KLRB1: variants seen among roughly 807,000 people sequenced by gnomAD.
KLRB1 encodes killer cell lectin like receptor B1.
KLRB1 carries 27 observed loss-of-function variants against 33.5 expected under a neutral mutation model. The ratio of observed to expected loss-of-function variants is 0.81; its 90% confidence interval spans 0.59 to 1.11. The LOEUF is 1.11. Among genes scored for constraint, KLRB1 ranks in the 50% most tolerant of loss-of-function variants. The pLI, the probability that KLRB1 is intolerant of heterozygous loss-of-function variation, is 0.00. For missense variants in KLRB1, 241 were observed against 254.1 expected, an observed-to-expected ratio of 0.95 and a Z score of 0.35; for synonymous variants, 64 against 88.9, an observed-to-expected ratio of 0.72 and a Z score of 1.58.
chr12:9,606,707 AAAATATATAAAATATATGTATAAAAAG>A (rs1452293417), intron 1 of KLRB1, among the ~76,000 whole-genome samples: 1,771 of 62,888 alleles, frequency 0.028, 40 homozygotes, highest in African/African-American at 0.042. Context: ...ATATATATAT[AAAATATATAAAATATATGTATAAAAAG>A]TATATATATA....
chr12:9,595,517 G>T, intron 5 of KLRB1, 96 bp from the exon 6 acceptor site: 1 of 1,146,914 alleles, frequency 8.7e-7, no homozygotes, highest in Non-Finnish European at 1.3e-6. Flanking sequence ...GGAAGCAGTA[G>T]AATGATAAAC....
At chr12:9,607,405 T>TTTCTTTC (rs1565444748) in intron 1 of KLRB1, among the ~76,000 whole-genome samples, 50 of 47,936 alleles carry the variant, frequency 1.0e-3, no homozygotes, top group Admixed American at 2.0e-3. Context: ...TCTTTCTTTC[T>TTTCTTTC]TTTCTTTCTT....
intron 3 of KLRB1, 115 bp downstream of exon 3, chr12:9,599,652 G>A: frequency 1.3e-6 from 1 of 769,060 alleles, no homozygotes; most frequent in East Asian, 2.5e-5. Context: ...ATCCAGAAAA[G>A]CAGAATGATA....
rs748322151 is a variant in KLRB1, at chr12:9,598,370, G to A, written c.414+129C>T. On this transcript the variant is annotated intron_variant, in intron 4 of 5. Transcript: ENST00000229402. ...TTTAATTATTTGTTTACATATCCAT[G>A]TAGTCATTCAAATTGTGAAGTCAAA... 263 of 793,118 alleles carry A rather than the reference G, an allele frequency of 3.3e-4. No individual in the cohort carries two copies. In the African/African-American group the frequency reaches 4.0e-3, roughly 12 times the overall value. The allele number at this position is 793,118 out of a possible 1,614,324, so 49.1% of individuals were successfully genotyped here. A position where few individuals can be genotyped will look rare whatever the true frequency, so the allele number is the denominator to read the frequency against.
chr12:9,607,306 T>TC (rs371474435), intron 1 of KLRB1, among the ~76,000 whole-genome samples: 10,837 of 100,396 alleles, frequency 0.11, 1,145 homozygotes, highest in Middle Eastern at 0.16. Context: ...CTCTCCTTTC[T>TC]TTCTTTCTTC....
intron 5 of KLRB1, among the ~76,000 whole-genome samples, chr12:9,595,929 G>T (rs1162538101): frequency 3.3e-5 from 5 of 152,194 alleles, no homozygotes; most frequent in Non-Finnish European, 5.9e-5. Flanking sequence ...GTGAGAAAAA[G>T]TGGCTCAGTT....
chr12:9,606,754 A>ATTTTTTTTT (rs1414913660), intron 1 of KLRB1, among the ~76,000 whole-genome samples: 2 of 25,420 alleles, frequency 7.9e-5, no homozygotes, highest in Non-Finnish European at 1.5e-4. Flanking sequence ...ATATATATAT[A>ATTTTTTTTT]TATATATTTT....
At chr12:9,605,744 G>A (rs988711) in intron 1 of KLRB1, among the ~76,000 whole-genome samples, 138,433 of 152,294 alleles carry the variant, frequency 0.91, 63,078 homozygotes, top group East Asian at 1. Context: ...TGGTTTTACT[G>A]TCATTCAATA....
At chr12:9,607,409 C>CCT (rs1864632472) in intron 1 of KLRB1, among the ~76,000 whole-genome samples, 1 of 88,168 alleles carries the variant, frequency 1.1e-5, no homozygotes, top group Non-Finnish European at 2.4e-5. Context: ...TCTTTCTTTT[C>CCT]TTTCTTTCTT....
rs775194122 is a variant in KLRB1 at position 9,607,814 on chromosome 12, T to A, written c.26A>T (p.Glu9Val). The A allele has an allele frequency of 1.1e-5, 17 of 1,613,400 alleles. No homozygotes were observed. The South Asian group carries it at 1.9e-4, about 18-fold the overall frequency. The part of the protein sequence containing the change: MDQQAIYA[E>V]LNLPTDSGPE... ...GCCTGAGTCTGTGGGTAAGTTTAAC[T>A]CAGCATATATTGCTTGTTGGTCCAT... Residue 9 changes from glutamate to valine, a missense_variant, in exon 1 of 6, where the codon GAG (glutamate) becomes GTG (valine). Transcript: ENST00000229402.
At position 9,595,187 on chromosome 12, in the gene KLRB1, G is replaced by A; in HGVS notation, c.*87C>T. The A allele has an allele frequency of 2.8e-6, 3 of 1,090,672 alleles. No individual in the cohort carries two copies. The South Asian group carries it at 4.6e-5, about 17-fold the overall frequency. The allele number at this position is 1,090,672 out of a possible 1,614,324, so 67.6% of individuals were successfully genotyped here. On this transcript the variant is annotated 3_prime_UTR_variant, in exon 6 of 6. Transcript: ENST00000229402. ...TGTTCACTTTGTGCCACTAAATGTG[G>A]CACTATTAGGTAGTACCAATAGTAT...
chr12:9,606,691 G>GTA (rs56320334), intron 1 of KLRB1, among the ~76,000 whole-genome samples: 5,547 of 73,122 alleles, frequency 0.076, 367 homozygotes, highest in Middle Eastern at 0.12. Context: ...TGTATAAAAA[G>GTA]TATATATATA....
At position 9,599,762 on chromosome 12, in the gene KLRB1, A is replaced by T. The variant is rs1864521836; in HGVS notation, c.259+5T>A. On this transcript the variant is annotated splice_donor_5th_base_variant and intron_variant, in intron 3 of 5. Coordinates refer to ENST00000229402, the MANE Select transcript of KLRB1 (RefSeq NM_002258.3). ...ATTCTTAGGAAATTGAAGCCACACA[A>T]TTACCTGTTGTTTTATTCCTGCTCT... 1.3e-6 allele frequency: 2 copies of T among 1,575,208 alleles called. No individual in the cohort carries two copies. The highest frequency in any genetic ancestry group is 1.7e-6 in the Non-Finnish European group (2 of 1,144,996).
intron 5 of KLRB1, among the ~76,000 whole-genome samples, chr12:9,595,882 C>A (rs1321133139): frequency 6.6e-6 from 1 of 152,062 alleles, no homozygotes; most frequent in Non-Finnish European, 1.5e-5. Context: ...TATCTAGAGG[C>A]ATGATGGATA....
At chr12:9,607,335 CCTTTCTTTCTTTCTTTCTTCCTTT>C (rs1183362830) in intron 1 of KLRB1, among the ~76,000 whole-genome samples, 16 of 65,170 alleles carry the variant, frequency 2.5e-4, no homozygotes, top group African/African-American at 6.7e-4. Context: ...CTCTTTCTTT[CCTTTCTTTCTTTCTTTCTTCCTTT>C]CTTTCTTTCT....
In KLRB1 at chr12:9,607,408, T is replaced by TTTCTTTC. The variant is rs768238888; in HGVS notation, c.85+346_85+347insGAAAGAA. 1.4e-3 allele frequency among the ~76,000 whole-genome samples: 172 copies of TTTCTTTC among 125,756 alleles called. 4 individuals are homozygous for TTTCTTTC. Among genetic ancestry groups the TTTCTTTC allele is most frequent in the South Asian group, 3.6e-3 (13 of 3,644 alleles). 82.5% of individuals were successfully genotyped at this position (125,756 alleles called of 152,430 possible). On this transcript the variant is annotated intron_variant, in intron 1 of 5. Transcript: ENST00000229402. ...TCTTTCTTTCTTTCTTTCTTTCTTT[T>TTTCTTTC]CTTTCTTTCTTTCTTTCTTCCTTCT...
chr12:9,604,748 A>AAAT (rs1864581495), intron 1 of KLRB1, among the ~76,000 whole-genome samples: 1 of 152,048 alleles, frequency 6.6e-6, no homozygotes, highest in Admixed American at 6.6e-5. Flanking sequence ...TCCTATATTC[A>AAAT]AATCTTTCTC....
chr12:9,607,334 T>TCCTTCCTTCCTG (rs1491124203), intron 1 of KLRB1, among the ~76,000 whole-genome samples: 1 of 26,146 alleles, frequency 3.8e-5, no homozygotes, highest in Non-Finnish European at 1.4e-4. Flanking sequence ...TCTCTTTCTT[T>TCCTTCCTTCCTG]CCTTTCTTTC....
chr12:9,607,276 C>CCTTTT (rs71045274), intron 1 of KLRB1, among the ~76,000 whole-genome samples: 2 of 126,800 alleles, frequency 1.6e-5, no homozygotes, highest in African/African-American at 5.7e-5. Context: ...CCTTTCCTTT[C>CCTTTT]TCTCTCTTTC....
Sources: gnomAD v4.1 joint callset for allele counts (sites outside exome capture counted in the v4.1 genomes callset) on GRCh38, gnomAD v4.1.1 for gene constraint, MANE v1.5 for transcripts, NCBI Gene and HGNC (gene_info 2026-07-23, HGNC 2026-07-21) for gene names.